The following ADCY9 variants were observed in gnomAD, a reference collection of about 807,000 sequenced individuals.
ADCY9 encodes the protein adenylate cyclase type 9.
Under a neutral mutation model 101.5 loss-of-function variants are expected in ADCY9, and 50 were observed. The ratio of observed to expected loss-of-function variants is 0.49; its 90% CI spans 0.39 to 0.62. The LOEUF (loss-of-function observed/expected upper bound fraction) is 0.62. Ranked by LOEUF, ADCY9 falls within the 20% of genes least tolerant of loss-of-function variation. ADCY9 has a pLI of 0.00. For synonymous variants in ADCY9, 905 were observed against 769.3 expected (o/e 1.18, Z -2.92); for missense variants, 1,662 against 1,800.4 (o/e 0.92, Z 1.39).
chr16:4,092,248 C>T (rs1049930992), intron 2 of ADCY9, among the ~76,000 whole-genome samples: 1 of 152,140 alleles, frequency 6.6e-6, no homozygotes, highest in Non-Finnish European at 1.5e-5. Context: ...CCGGTCTAGG[C>T]AACAGAGCAA....
chr16:4,110,756 AG>A (rs937414146), intron 2 of ADCY9, among the ~76,000 whole-genome samples: 2 of 152,126 alleles, frequency 1.3e-5, no homozygotes, highest in African/African-American at 4.8e-5. Context: ...TTCTAGGAAA[AG>A]GGTGGTGGCT....
intron 2 of ADCY9, among the ~76,000 whole-genome samples, chr16:4,091,123 G>C (rs577609615): frequency 3.3e-4 from 50 of 150,816 alleles, no homozygotes; most frequent in African/African-American, 1.1e-3. Context: ...ACCCAGGCTG[G>C]AGCGCAGTGG....
chr16:4,076,820 T>C (rs1461733097), intron 2 of ADCY9, among the ~76,000 whole-genome samples: 2 of 152,112 alleles, frequency 1.3e-5, no homozygotes, highest in Non-Finnish European at 2.9e-5. Context: ...CTCACGCCTG[T>C]AATCCCAGCA....
intron 5 of ADCY9, among the ~76,000 whole-genome samples, chr16:3,989,698 T>C (rs567319840): frequency 6.0e-4 from 92 of 152,304 alleles, no homozygotes; most frequent in Admixed American, 3.9e-3. Context: ...ACATTCCTAA[T>C]GTCTAGGATT....
chr16:4,079,058 T>C (rs750878833), intron 2 of ADCY9, among the ~76,000 whole-genome samples: 12 of 152,200 alleles, frequency 7.9e-5, no homozygotes, highest in Non-Finnish European at 2.9e-5. Context: ...TATTAAAATA[T>C]AATGCAAAGT....
chr16:4,086,247 A>G (rs1350562820), intron 2 of ADCY9, among the ~76,000 whole-genome samples: 1 of 152,040 alleles, frequency 6.6e-6, no homozygotes, highest in East Asian at 1.9e-4. Context: ...ACACAGGAGG[A>G]GAAGAGACAG....
Position 3,983,362 on chromosome 16 carries a change from C to A in ADCY9, c.2389G>T (p.Val797Leu), listed in dbSNP as rs1448423965. 10 of 1,604,450 alleles carry A rather than the reference C, an allele frequency of 6.2e-6. No individual in the cohort carries two copies. The highest frequency in any genetic ancestry group is 3.4e-5 in the Admixed American group (2 of 58,808). ...CAGGTGGTGGACAGCGTCAGAAACA[C>A]TGTGGTCGACAGAAACACATCCAGG... is the stretch of plus-strand genomic sequence containing the variant. ...SLLDVFLSTT[V>L]FLTLSTTCFL... Residue 797 changes from valine to leucine, a missense_variant, in exon 7 of 11, where the codon GTG becomes TTG. Val to Leu is a conservative substitution (Grantham distance 32). Coordinates refer to ENST00000294016, the MANE Select transcript of ADCY9 (RefSeq NM_001116.4).
intron 10 of ADCY9, among the ~76,000 whole-genome samples, chr16:3,974,323 C>T (rs2056076476): frequency 6.6e-6 from 1 of 152,218 alleles, no homozygotes; most frequent in Admixed American, 6.5e-5. Flanking sequence ...GGATTACAGG[C>T]GTGAGCCACC....
chr16:3,965,402 A>T lies in ADCY9; in HGVS notation c.*373T>A, dbSNP rs2055980712. 3.9e-6 allele frequency: 1 copy of T among 258,030 alleles called. No homozygotes were observed. Among genetic ancestry groups the T allele is most frequent in the African/African-American group, 2.2e-5 (1 of 44,868 alleles). The allele number at this position is 258,030 out of a possible 1,614,324, so 16.0% of individuals were successfully genotyped here. On this transcript the variant is annotated 3_prime_UTR_variant, in exon 11 of 11. Transcript: ENST00000294016. ...AAATAGTGTCTCGTGGGACGTGGGA[A>T]AAAGCAATAAAAATGAGATCTTAAC... is the stretch of plus-strand genomic sequence containing the variant.
intron 2 of ADCY9, among the ~76,000 whole-genome samples, chr16:4,031,823 G>C (rs2056557277): frequency 1.3e-5 from 2 of 151,978 alleles, no homozygotes; most frequent in South Asian, 4.2e-4. Flanking sequence ...GCAGAGGTGA[G>C]CCATCATCGT....
At position 4,050,583 on chromosome 16, in the gene ADCY9, G is replaced by A. The variant is rs188869199; in HGVS notation, c.1694-43025C>T. ...TACAAAATTAGCCGGACGTGGTGGC[G>A]CATGCCTGTAATCCCAGCTACTAGG... On this transcript the variant is annotated intron_variant, in intron 2 of 10. Transcript: ENST00000294016. Among the ~76,000 whole-genome samples the A allele has an allele frequency of 3.1e-4, 47 of 151,742 alleles. No individual in the cohort carries two copies. In the East Asian group the frequency reaches 3.9e-3, roughly 13 times the overall value.
At chr16:4,032,511 AT>A (rs35449509) in intron 2 of ADCY9, among the ~76,000 whole-genome samples, 1,515 of 140,498 alleles carry the variant, frequency 0.011, 14 homozygotes, top group African/African-American at 0.035. Flanking sequence ...ATATCACACA[AT>A]TTTTTTTTTT....
intron 3 of ADCY9, among the ~76,000 whole-genome samples, chr16:4,001,865 C>T (rs2056333677): frequency 6.6e-6 from 1 of 151,988 alleles, no homozygotes; most frequent in South Asian, 2.1e-4. Context: ...TCTCCTGCCT[C>T]AGTCTCCCAA....
chr16:4,114,475 A>C lies in ADCY9; in HGVS notation c.968T>G (p.Leu323Arg), dbSNP rs1336380199. The C allele has an allele frequency of 6.2e-7, 1 of 1,614,144 alleles. No individual in the cohort carries two copies. The highest frequency in any genetic ancestry group is 1.7e-5 in the Admixed American group (1 of 60,014). ...CTCTTTGAGGGCTTTTTCCACTTCC[A>C]GGTCCTTCCCGTGCATAATGGATTG... ...VGQSIMHGKD[L>R]EVEKALKERM... The change falls in exon 2 of 11, where the codon CTG (leucine) becomes CGG (arginine). Residue 323 changes from leucine (L) to arginine (R), a missense_variant. Transcript: ENST00000294016. This position sits in a 1 kb window ranked among gnomAD's most constrained non-coding sequence, Gnocchi z 4.3.
chr16:4,038,228 C>T (rs555882545), intron 2 of ADCY9, among the ~76,000 whole-genome samples: 6 of 151,758 alleles, frequency 4.0e-5, no homozygotes, highest in African/African-American at 1.5e-4. Context: ...CTGCAGTGAG[C>T]CGTGATTGCA....
At position 3,983,518 on chromosome 16, in the gene ADCY9, C is replaced by T. The variant is rs570068452; in HGVS notation, c.2311-78G>A. 4 of 1,264,346 alleles carry T rather than the reference C, an allele frequency of 3.2e-6. No homozygotes were observed. The East Asian group carries it at 1.0e-4, about 32-fold the overall frequency. 78.3% of individuals were successfully genotyped at this position (1,264,346 alleles called of 1,614,324 possible). On this transcript the variant is annotated intron_variant, in intron 6 of 10. Coordinates refer to ENST00000294016, the MANE Select transcript of ADCY9 (RefSeq NM_001116.4). ...AGCGCAGTTCAGATGGAGAAACAGG[C>T]AACACGTGCGGAGCACTGCTGCTCT...
At chr16:3,985,474 C>A (rs765044194) in intron 6 of ADCY9, among the ~76,000 whole-genome samples, 5 of 152,198 alleles carry the variant, frequency 3.3e-5, no homozygotes, top group Non-Finnish European at 7.3e-5. Flanking sequence ...CCCATGCCCA[C>A]TCACCTTGGC....
At chr16:4,091,886 G>A (rs1015249828) in intron 2 of ADCY9, among the ~76,000 whole-genome samples, 2 of 152,186 alleles carry the variant, frequency 1.3e-5, no homozygotes, top group African/African-American at 4.8e-5. Flanking sequence ...TTAGACCCAG[G>A]GGATGGTTGC....
At chr16:4,031,551 T>A (rs1327329356) in intron 2 of ADCY9, among the ~76,000 whole-genome samples, 2 of 152,202 alleles carry the variant, frequency 1.3e-5, no homozygotes, top group Non-Finnish European at 2.9e-5. Flanking sequence ...ATTATACTAT[T>A]ATTTCAACTT....
Sources: gnomAD v4.1 joint callset for allele counts (sites outside exome capture counted in the v4.1 genomes callset) on GRCh38, gnomAD v4.1.1 for gene constraint, Gnocchi (gnomAD v3.1) non-coding constraint, MANE v1.5 for transcripts, NCBI Gene and HGNC (gene_info 2026-07-23, HGNC 2026-07-21) for gene names.